Variants in AMPD3 observed in about 807,000 individuals in gnomAD.
AMPD3 encodes the protein adenosine monophosphate deaminase 3.
A neutral mutation model predicts 82.3 loss-of-function variants in AMPD3; 57 were observed. That is an observed-to-expected ratio of 0.69 (90% CI 0.56 to 0.86). The LOEUF (loss-of-function observed/expected upper bound fraction) is 0.86, where lower values mean the gene tolerates loss of function less well. AMPD3 is among the 40% of genes least tolerant of loss of function. AMPD3 has a pLI of 0.00. For synonymous variants in AMPD3, 381 were observed against 394.7 expected, an observed-to-expected ratio of 0.97 and a Z score of 0.41; for missense variants, 870 against 1,003.8, an observed-to-expected ratio of 0.87 and a Z score of 1.80.
chr11:10,500,357 T>G, intron 11 of AMPD3, 108 bp downstream of exon 11: 1 of 1,410,160 alleles, frequency 7.1e-7, no homozygotes, highest in Non-Finnish European at 9.9e-7. Flanking sequence ...CGTGTGCACC[T>G]GAACCAACAT....
chr11:10,464,301 T>A (rs770726888), intron 2 of AMPD3, among the ~76,000 whole-genome samples: 9 of 152,234 alleles, frequency 5.9e-5, no homozygotes, highest in Non-Finnish European at 1.3e-4. Context: ...ACATCGAGCT[T>A]ATCAAATGGA....
At chr11:10,466,528 G>T (rs1227909152) in intron 2 of AMPD3, among the ~76,000 whole-genome samples, 1 of 152,162 alleles carries the variant, frequency 6.6e-6, no homozygotes, top group Non-Finnish European at 1.5e-5. Context: ...TGAAAAAAAG[G>T]CAGCAGCCCC....
At position 10,491,147 on chromosome 11, in the gene AMPD3, G is replaced by T. The variant is rs187121526; in HGVS notation, c.940-2202G>T. Among the ~76,000 whole-genome samples the T allele has an allele frequency of 5.3e-3, 800 of 152,302 alleles. 6 individuals carry two copies. Among genetic ancestry groups the T allele is most frequent in the Non-Finnish European group, 8.3e-3 (566 of 68,030 alleles). On this transcript the variant is annotated intron_variant, in intron 6 of 14. Transcript: ENST00000396553. ...CCCAGCCCGGGCTGAGCGCCCAGTC[G>T]GCCGCAGCAGTAGCTCCAGAGTGTG...
intron 6 of AMPD3, 129 bp from the exon 7 acceptor site, chr11:10,493,220 G>C (rs1343118558): frequency 1.4e-5 from 15 of 1,081,096 alleles, no homozygotes; most frequent in Non-Finnish European, 2.1e-5. Context: ...GTGGGATCCA[G>C]ACACTGGTGG....
rs1331054011 is a variant in AMPD3 at position 10,496,923 on chromosome 11, C to A, written c.1542C>A (p.His514Gln). ...ACCCCCAAGATCATCGAGAGCTTCACCTCTTCCTTAAATATGTAAGTGTGG... is the reference window on the plus strand; with the variant it reads ...ACCCCCAAGATCATCGAGAGCTTCAACTCTTCCTTAAATATGTAAGTGTGG... Reference protein sequence around the residue: ...TINPQDHRELHLFLKYVTGFD... With the variant: ...TINPQDHRELQLFLKYVTGFD... The change falls in exon 10 of 15, where the codon CAC (histidine) becomes CAA (glutamine). Residue 514 changes from histidine to glutamine, a missense_variant. His to Gln is a conservative substitution (Grantham distance 24). Transcript: ENST00000396553. 4 of 1,614,092 alleles carry A rather than the reference C, an allele frequency of 2.5e-6. No homozygotes were observed. The South Asian group carries it at 3.3e-5, about 13-fold the overall frequency.
intron 13 of AMPD3, 21 bp from the exon 14 acceptor site, chr11:10,504,528 A>G (rs1371808422): frequency 6.2e-7 from 1 of 1,601,920 alleles, no homozygotes; most frequent in African/African-American, 1.3e-5. Context: ...TCTAATCCAC[A>G]TGCTTTGGGG....
chr11:10,473,830 A>G (rs994952984), intron 2 of AMPD3, among the ~76,000 whole-genome samples: 3 of 152,204 alleles, frequency 2.0e-5, no homozygotes, highest in African/African-American at 7.2e-5. Context: ...GTGTGAGCCT[A>G]TGGAAGTGGA....
In AMPD3 at chr11:10,455,377, C is replaced by A. The variant is rs925078974; in HGVS notation, c.-77C>A. The A allele has an allele frequency of 3.0e-6, 3 of 985,442 alleles. No homozygotes were observed. Among genetic ancestry groups the A allele is most frequent in the Non-Finnish European group, 2.4e-6 (2 of 829,998 alleles). The allele number at this position is 985,442 out of a possible 1,614,324, so 61.0% of individuals were successfully genotyped here. On this transcript the variant is annotated 5_prime_UTR_variant, in exon 1 of 15. Transcript: ENST00000396553. Reference sequence around the variant, plus strand: ...GTGGGTCACTTGAGGCAGGCTCCACCTTCCCCAGGAGGAGTGGCAGAGTCC... The same window carrying A: ...GTGGGTCACTTGAGGCAGGCTCCACATTCCCCAGGAGGAGTGGCAGAGTCC...
chr11:10,476,248 T>C (rs1254661184), intron 2 of AMPD3, among the ~76,000 whole-genome samples: 1 of 152,196 alleles, frequency 6.6e-6, no homozygotes, highest in East Asian at 1.9e-4. Context: ...CCCTTGTGCC[T>C]ACAGAGTCTG....
chr11:10,465,819 GTTT>G (rs61540424), intron 2 of AMPD3, among the ~76,000 whole-genome samples: 1 of 132,130 alleles, frequency 7.6e-6, no homozygotes, highest in Non-Finnish European at 1.6e-5. Flanking sequence ...AGCTGCAGGA[GTTT>G]TTTTTTTTTT....
At position 10,456,359 on chromosome 11, in the gene AMPD3, C is replaced by G; in HGVS notation, c.-6+911C>G. 6.2e-7 allele frequency: 1 copy of G among 1,613,662 alleles called. No individual in the cohort carries two copies. Among genetic ancestry groups the G allele is most frequent in the South Asian group, 1.1e-5 (1 of 91,056 alleles). On this transcript the variant is annotated intron_variant, in intron 1 of 14. Transcript: ENST00000396553. This position sits in a 1 kb window ranked among gnomAD's most constrained non-coding sequence, Gnocchi z 4.3. ...CAGGCAGCACCTCACCCGGGTGCAT[C>G]ACTTGAGTGGCATCTTCAGGACCAG...
chr11:10,471,408 A>G (rs1217016801), intron 2 of AMPD3, among the ~76,000 whole-genome samples: 5 of 152,214 alleles, frequency 3.3e-5, no homozygotes, highest in African/African-American at 9.6e-5. Context: ...GACTTCATGT[A>G]TAAAACATCA....
At chr11:10,489,961 G>A (rs911286995) in intron 6 of AMPD3, among the ~76,000 whole-genome samples, 7 of 152,160 alleles carry the variant, frequency 4.6e-5, no homozygotes, top group Non-Finnish European at 7.4e-5. Context: ...GATTACAGGC[G>A]TGGGTCACCA....
At chr11:10,476,992 A>G (rs917460778) in intron 2 of AMPD3, 11 of 985,352 alleles carry the variant, frequency 1.1e-5, no homozygotes, top group Non-Finnish European at 1.3e-5. Context: ...AGGTTAAAAT[A>G]GCCTTGTCCC....
intron 2 of AMPD3, among the ~76,000 whole-genome samples, chr11:10,474,167 A>G (rs1848672950): frequency 6.6e-6 from 1 of 152,182 alleles, no homozygotes; most frequent in Non-Finnish European, 1.5e-5. Flanking sequence ...CTCAGCCATC[A>G]CAGTCGGCCC....
rs139927274 is a variant in AMPD3 at position 10,474,541 on chromosome 11, T to A, written c.222-3985T>A. Among the ~76,000 whole-genome samples, 373 of 152,242 alleles carry A rather than the reference T, an allele frequency of 2.5e-3. 1 individual carries two copies. Among genetic ancestry groups the A allele is most frequent in the Admixed American group, 5.1e-3 (78 of 15,296 alleles). On this transcript the variant is annotated intron_variant, in intron 2 of 14. Coordinates refer to ENST00000396553, the MANE Select transcript of AMPD3 (RefSeq NM_001025389.2). Reference sequence around the variant, plus strand: ...AGTAAGGGAGGGGACTTAGTGACTGTCAGGGGCAACCAAGGGCCATAGAGC... The same window carrying A: ...AGTAAGGGAGGGGACTTAGTGACTGACAGGGGCAACCAAGGGCCATAGAGC...
At chr11:10,489,111 C>T (rs1225343116) in intron 6 of AMPD3, among the ~76,000 whole-genome samples, 2 of 152,208 alleles carry the variant, frequency 1.3e-5, no homozygotes, top group Non-Finnish European at 2.9e-5. Flanking sequence ...ACACCACTTA[C>T]GTGGGCACCC....
chr11:10,457,180 C>T (rs1398033572), intron 1 of AMPD3, among the ~76,000 whole-genome samples: 1 of 151,602 alleles, frequency 6.6e-6, no homozygotes, highest in East Asian at 2.0e-4. Flanking sequence ...GAGGTTCTGA[C>T]ATATTGCACC....
At chr11:10,505,648 A>G (rs776780821) in intron 14 of AMPD3, 60 bp from the exon 15 acceptor site, 16 of 1,593,632 alleles carry the variant, frequency 1.0e-5, no homozygotes, top group African/African-American at 1.3e-5. Context: ...AGCTGCCCAC[A>G]TGGCTATAGA....
Sources: allele counts gnomAD v4.1 joint callset (sites outside exome capture counted in the v4.1 genomes callset), GRCh38; gene constraint gnomAD v4.1.1; non-coding constraint Gnocchi (gnomAD v3.1); transcripts MANE v1.5; gene names NCBI Gene and HGNC (gene_info 2026-07-23, HGNC 2026-07-21).